CAMTA1: variants seen among roughly 807,000 people sequenced by gnomAD.
CAMTA1 encodes the protein calmodulin-binding transcription activator 1.
A neutral mutation model predicts 170.9 loss-of-function variants in CAMTA1; 27 were observed. The ratio of observed to expected loss-of-function variants is 0.16; its 90% CI spans 0.12 to 0.22. The LOEUF (loss-of-function observed/expected upper bound fraction) is 0.22, where lower values mean the gene tolerates loss of function less well. Among genes scored for constraint, CAMTA1 ranks in the 10% least tolerant of loss-of-function variants. The pLI, the probability that CAMTA1 is intolerant of heterozygous loss-of-function variation, is 1.00. For synonymous variants in CAMTA1, 833 were observed against 891.5 expected, an observed-to-expected ratio of 0.93 and a Z score of 1.17; for missense variants, 1,619 against 2,217.2, an observed-to-expected ratio of 0.73 and a Z score of 5.42.
intron 6 of CAMTA1, among the ~76,000 whole-genome samples, chr1:7,573,927 C>G (rs1164648033): frequency 6.6e-6 from 1 of 152,122 alleles, no homozygotes; most frequent in Non-Finnish European, 1.5e-5. Context: ...GCGTGCACCA[C>G]CATGCCCGGC....
intron 11 of CAMTA1, among the ~76,000 whole-genome samples, chr1:7,686,507 T>G (rs1324028843): frequency 2.2e-3 from 112 of 51,530 alleles, no homozygotes; most frequent in South Asian, 3.3e-3. Flanking sequence ...GAAGGGGAGG[T>G]GGAGGGGGTT....
At chr1:7,437,877 G>A (rs1462781384) in intron 5 of CAMTA1, among the ~76,000 whole-genome samples, 2 of 152,242 alleles carry the variant, frequency 1.3e-5, no homozygotes, top group African/African-American at 4.8e-5. Context: ...CAGGCCGCAC[G>A]ACAGCCAAGG....
At chr1:7,242,920 C>G (rs908397304) in intron 4 of CAMTA1, among the ~76,000 whole-genome samples, 1 of 152,024 alleles carries the variant, frequency 6.6e-6, no homozygotes. Context: ...CGAGATCGCA[C>G]CATTGCACTC....
intron 5 of CAMTA1, among the ~76,000 whole-genome samples, chr1:7,309,586 G>A (rs4908617): frequency 0.42 from 63,979 of 151,784 alleles, 14,005 homozygotes; most frequent in Middle Eastern, 0.62. Context: ...GGCGTGAGCC[G>A]CCGCGCCCGG....
At chr1:7,109,513 G>A (rs1053080698) in intron 4 of CAMTA1, among the ~76,000 whole-genome samples, 3 of 152,180 alleles carry the variant, frequency 2.0e-5, no homozygotes, top group Non-Finnish European at 2.9e-5. Flanking sequence ...GCCCAGAGCA[G>A]ACATCACTAC....
At chr1:7,009,532 T>C (rs1318600755) in intron 3 of CAMTA1, among the ~76,000 whole-genome samples, 1 of 152,234 alleles carries the variant, frequency 6.6e-6, no homozygotes, top group Non-Finnish European at 1.5e-5. Context: ...AGGCCTGTTT[T>C]GCTGCCAGGT....
intron 4 of CAMTA1, among the ~76,000 whole-genome samples, chr1:7,154,413 T>TA (rs1646749384): frequency 6.6e-6 from 1 of 152,194 alleles, no homozygotes; most frequent in African/African-American, 2.4e-5. Flanking sequence ...CGATGGGGTT[T>TA]ATCTTCAGCT....
chr1:6,822,345 CAA>C (rs1646587167), intron 2 of CAMTA1, among the ~76,000 whole-genome samples: 1 of 152,122 alleles, frequency 6.6e-6, no homozygotes, highest in African/African-American at 2.4e-5. Context: ...AGTGTAAAAT[CAA>C]AGTTTCTCTG....
chr1:7,237,367 C>T (rs890536401), intron 4 of CAMTA1, among the ~76,000 whole-genome samples: 4 of 152,118 alleles, frequency 2.6e-5, no homozygotes, highest in East Asian at 1.9e-4. Flanking sequence ...CGCAAGTCCA[C>T]GGCTCACTGG....
intron 3 of CAMTA1, among the ~76,000 whole-genome samples, chr1:6,946,930 T>A (rs1345719054): frequency 6.6e-6 from 1 of 152,196 alleles, no homozygotes; most frequent in Non-Finnish European, 1.5e-5. Context: ...TGTCTAAGAG[T>A]TTTGTAGCTG....
intron 3 of CAMTA1, among the ~76,000 whole-genome samples, chr1:6,875,016 T>G (rs1669434246): frequency 6.6e-6 from 1 of 152,190 alleles, no homozygotes; most frequent in African/African-American, 2.4e-5. Flanking sequence ...TTCCATACAT[T>G]TTAATCATCC....
chr1:7,006,447 A>G (rs1699018137), intron 3 of CAMTA1, among the ~76,000 whole-genome samples: 3 of 152,078 alleles, frequency 2.0e-5, no homozygotes, highest in Admixed American at 2.0e-4. Flanking sequence ...TTCATTGTTT[A>G]TTTGATGGGA....
At chr1:7,180,511 CTTTT>C (rs397862259) in intron 4 of CAMTA1, among the ~76,000 whole-genome samples, 3 of 71,178 alleles carry the variant, frequency 4.2e-5, no homozygotes, top group Non-Finnish European at 7.2e-5. Flanking sequence ...TGTCACTAGA[CTTTT>C]TTTTTTTTTT....
rs1465626984 is a variant in CAMTA1, at chr1:7,532,733, C to T, written c.510+64832C>T. Among the ~76,000 whole-genome samples, 4 of 152,168 alleles carry T rather than the reference C, an allele frequency of 2.6e-5. No homozygotes were observed. The highest frequency in any genetic ancestry group is 9.7e-5 in the African/African-American group (4 of 41,420). On this transcript the variant is annotated intron_variant, in intron 6 of 22. Coordinates refer to ENST00000303635, the MANE Select transcript of CAMTA1 (RefSeq NM_015215.4). This position sits in a 1 kb window ranked among gnomAD's most constrained non-coding sequence, Gnocchi z 4.2. ...TGACTGTTTACGATGGGTGCCCAAT[C>T]GCTGATAGAAGAATGAATGAGTGGA...
intron 1 of CAMTA1, among the ~76,000 whole-genome samples, chr1:6,802,655 G>C (rs1385233666): frequency 6.6e-6 from 1 of 152,144 alleles, no homozygotes; most frequent in South Asian, 2.1e-4. Flanking sequence ...AAGTGTCCTT[G>C]GTCAGCCAGC....
intron 5 of CAMTA1, among the ~76,000 whole-genome samples, chr1:7,305,567 C>T (rs1047990946): frequency 6.6e-6 from 1 of 151,978 alleles, no homozygotes; most frequent in Admixed American, 6.6e-5. Context: ...TCATTCTGCT[C>T]AACGTTGCCA....
chr1:6,952,212 C>T (rs1490281159), intron 3 of CAMTA1, among the ~76,000 whole-genome samples: 3 of 151,344 alleles, frequency 2.0e-5, no homozygotes, highest in East Asian at 2.0e-4. Context: ...GGGCGGATCA[C>T]GAGGTCAGGA....
At chr1:7,549,764 T>C (rs1184249166) in intron 6 of CAMTA1, among the ~76,000 whole-genome samples, 1 of 151,434 alleles carries the variant, frequency 6.6e-6, no homozygotes, top group African/African-American at 2.4e-5. Flanking sequence ...CAGAAAGTGA[T>C]ATGTGTTGTA....
At chr1:7,688,762 T>C (rs878920441) in intron 11 of CAMTA1, among the ~76,000 whole-genome samples, 2 of 152,198 alleles carry the variant, frequency 1.3e-5, no homozygotes, top group Admixed American at 1.3e-4. Flanking sequence ...CTGACCCTTC[T>C]GAGCAGCCCA....
Sources: allele counts gnomAD v4.1 joint callset (sites outside exome capture counted in the v4.1 genomes callset), GRCh38; gene constraint gnomAD v4.1.1; non-coding constraint Gnocchi (gnomAD v3.1); transcripts MANE v1.5; gene names NCBI Gene and HGNC (gene_info 2026-07-23, HGNC 2026-07-21).